GRIN2B: variants seen among roughly 807,000 people sequenced by gnomAD.
GRIN2B encodes glutamate ionotropic receptor NMDA type subunit 2B, also known as glutamate receptor ionotropic, NMDA 2B.
Under a neutral mutation model 114.5 loss-of-function variants are expected in GRIN2B, and 5 were observed. The observed-to-expected ratio is 0.04, with a 90% CI of 0.02 to 0.09. The LOEUF (loss-of-function observed/expected upper bound fraction) is 0.09. GRIN2B is among the 10% of genes least tolerant of loss of function. The pLI is 1.00. For synonymous variants in GRIN2B, 787 were observed against 745.1 expected (o/e 1.06, Z -0.92); for missense variants, 1,108 against 1,943.5 (o/e 0.57, Z 8.08).
intron 3 of GRIN2B, among the ~76,000 whole-genome samples, chr12:13,774,274 G>A (rs926371045): frequency 6.6e-6 from 1 of 152,198 alleles, no homozygotes. Context: ...AACCACTTTA[G>A]TCTAATTTAG....
chr12:13,688,453 T>C (rs1950189160), intron 4 of GRIN2B, among the ~76,000 whole-genome samples: 1 of 152,136 alleles, frequency 6.6e-6, no homozygotes, highest in Non-Finnish European at 1.5e-5. Flanking sequence ...GTTCATAGGA[T>C]AATTAGAGAA....
chr12:13,734,935 C>A (rs758340842), intron 4 of GRIN2B, among the ~76,000 whole-genome samples: 2 of 151,918 alleles, frequency 1.3e-5, no homozygotes, highest in Non-Finnish European at 2.9e-5. Context: ...AGAGAGTGGC[C>A]AGTAATGTTA....
intron 4 of GRIN2B, among the ~76,000 whole-genome samples, chr12:13,705,451 AT>A (rs972208401): frequency 9.9e-5 from 15 of 152,172 alleles, no homozygotes; most frequent in African/African-American, 3.6e-4. Flanking sequence ...AGTATACTAT[AT>A]TTTGAACTTT....
At chr12:13,631,534 A>G (rs1267672834) in intron 5 of GRIN2B, among the ~76,000 whole-genome samples, 1 of 152,206 alleles carries the variant, frequency 6.6e-6, no homozygotes, top group Non-Finnish European at 1.5e-5. Context: ...AAAAGAAAAA[A>G]AAGAAAAATA....
intron 5 of GRIN2B, among the ~76,000 whole-genome samples, chr12:13,624,414 A>G (rs1949548940): frequency 6.6e-6 from 1 of 152,202 alleles, no homozygotes; most frequent in African/African-American, 2.4e-5. Flanking sequence ...CTGATTATAA[A>G]GTTACCCTGG....
chr12:13,774,497 T>G (rs1863966498), intron 3 of GRIN2B, among the ~76,000 whole-genome samples: 1 of 152,188 alleles, frequency 6.6e-6, no homozygotes, highest in Non-Finnish European at 1.5e-5. Context: ...AAGAGGCGTT[T>G]AATAATTTTA....
At chr12:13,582,723 TATA>T (rs939371128) in intron 10 of GRIN2B, among the ~76,000 whole-genome samples, 1 of 151,922 alleles carries the variant, frequency 6.6e-6, no homozygotes, top group African/African-American at 2.4e-5. Flanking sequence ...GCTGGGGTTC[TATA>T]ATAGGTCTTA....
At chr12:13,756,928 TG>T (rs1863586006) in intron 3 of GRIN2B, among the ~76,000 whole-genome samples, 1 of 152,194 alleles carries the variant, frequency 6.6e-6, no homozygotes, top group South Asian at 2.1e-4. Context: ...GCAAGTAGCT[TG>T]TAAAGACACT....
intron 2 of GRIN2B, among the ~76,000 whole-genome samples, chr12:13,963,490 G>C (rs1867734587): frequency 6.6e-6 from 1 of 152,264 alleles, no homozygotes. Context: ...TTTTCCTACC[G>C]TACTGAGAAA....
chr12:13,608,600 T>C lies in GRIN2B; in HGVS notation c.2010+3A>G. 1 of 1,603,058 alleles carries C rather than the reference T, an allele frequency of 6.2e-7. No homozygotes were observed. Among genetic ancestry groups the C allele is most frequent in the Non-Finnish European group, 8.5e-7 (1 of 1,169,978 alleles). ...GACGGGAGATTTCAAATGAGTCTCTTACCTTTTTGTCGCTCAGGCCAGAAA... is the reference window on the plus strand; with the variant it reads ...GACGGGAGATTTCAAATGAGTCTCTCACCTTTTTGTCGCTCAGGCCAGAAA... On this transcript the variant is annotated splice_donor_region_variant and intron_variant, in intron 10 of 13. Transcript: ENST00000609686.
intron 10 of GRIN2B, among the ~76,000 whole-genome samples, chr12:13,572,853 T>C (rs191930433): frequency 7.2e-5 from 11 of 152,362 alleles, no homozygotes; most frequent in African/African-American, 2.6e-4. Flanking sequence ...CTTCTGTGAA[T>C]TCTTTCTTCC....
At chr12:13,788,399 C>T (rs990235147) in intron 3 of GRIN2B, among the ~76,000 whole-genome samples, 1 of 152,128 alleles carries the variant, frequency 6.6e-6, no homozygotes, top group African/African-American at 2.4e-5. Context: ...ATTACTGATA[C>T]TGTCAATCAG....
chr12:13,907,237 TC>T (rs1866553196), intron 2 of GRIN2B, among the ~76,000 whole-genome samples: 1 of 152,214 alleles, frequency 6.6e-6, no homozygotes, highest in Non-Finnish European at 1.5e-5. Context: ...ATGCCTGTAA[TC>T]CCCATACTTT....
At chr12:13,961,530 A>T (rs1867691999) in intron 2 of GRIN2B, among the ~76,000 whole-genome samples, 1 of 152,222 alleles carries the variant, frequency 6.6e-6, no homozygotes, top group Non-Finnish European at 1.5e-5. Context: ...ATATTTTGAA[A>T]TATGTAGGAG....
At position 13,808,750 on chromosome 12, in the gene GRIN2B, A is replaced by AT. The variant is rs1555142372; in HGVS notation, c.412-54836_412-54835insA. Among the ~76,000 whole-genome samples, 76 of 111,822 alleles carry AT rather than the reference A, an allele frequency of 6.8e-4. 1 individual carries two copies. Among genetic ancestry groups the AT allele is most frequent in the Middle Eastern group, 4.8e-3 (1 of 208 alleles). 73.4% of individuals were successfully genotyped at this position (111,822 alleles called of 152,430 possible). The stretch of plus-strand genomic sequence containing the variant: ...CTAGAACTTAAAGTATAATAAAAAA[A>AT]AAATATATATATATATATATACATA... On this transcript the variant is annotated intron_variant, in intron 3 of 13. Transcript: ENST00000609686.
chr12:13,725,466 G>A (rs1591698105), intron 4 of GRIN2B, among the ~76,000 whole-genome samples: 2 of 152,016 alleles, frequency 1.3e-5, no homozygotes, highest in Admixed American at 1.3e-4. Context: ...GGGAAGCTAA[G>A]GCATATGGTC....
At chr12:13,692,307 C>T (rs992990801) in intron 4 of GRIN2B, among the ~76,000 whole-genome samples, 2 of 152,010 alleles carry the variant, frequency 1.3e-5, no homozygotes, top group African/African-American at 4.8e-5. Flanking sequence ...GAAATCTATC[C>T]CTGTAACACA....
intron 4 of GRIN2B, among the ~76,000 whole-genome samples, chr12:13,677,275 G>A (rs1417801390): frequency 6.6e-6 from 1 of 152,138 alleles, no homozygotes; most frequent in African/African-American, 2.4e-5. Context: ...GCAGCTTGAA[G>A]ACTCTTTTTT....
intron 2 of GRIN2B, among the ~76,000 whole-genome samples, chr12:13,975,040 G>T (rs987399565): frequency 9.2e-5 from 14 of 152,172 alleles, no homozygotes; most frequent in African/African-American, 3.1e-4. Flanking sequence ...TGGAAAGAGT[G>T]AAAGAAGAGA....
Sources: allele counts gnomAD v4.1 joint callset (sites outside exome capture counted in the v4.1 genomes callset), GRCh38; gene constraint gnomAD v4.1.1; transcripts MANE v1.5; gene names NCBI Gene and HGNC (gene_info 2026-07-23, HGNC 2026-07-21).